The following PIGU variants were observed in gnomAD, a reference collection of about 807,000 sequenced individuals.
PIGU encodes the protein GPI-anchor transamidase component PIGU.
PIGU carries 24 observed loss-of-function variants against 49.9 expected under a neutral mutation model. The ratio of observed to expected loss-of-function variants is 0.48; its 90% CI spans 0.35 to 0.68. PIGU has a LOEUF of 0.68. PIGU is among the 30% of genes least tolerant of loss of function. The probability of loss-of-function intolerance (pLI) is 0.01; values close to 1 mark genes in which losing one functional copy is unlikely to be tolerated. For synonymous variants in PIGU, 220 were observed against 205.7 expected, an observed-to-expected ratio of 1.07 and a Z score of -0.59; for missense variants, 490 against 532.6, an observed-to-expected ratio of 0.92 and a Z score of 0.79.
intron 2 of PIGU, among the ~76,000 whole-genome samples, chr20:34,651,944 C>T (rs1986552788): frequency 6.8e-6 from 1 of 147,992 alleles, no homozygotes; most frequent in Admixed American, 6.7e-5. Context: ...CCCATCTCTA[C>T]AAAAAAAAAA....
At chr20:34,592,175 C>T (rs147957209) in intron 7 of PIGU, among the ~76,000 whole-genome samples, 9 of 139,364 alleles carry the variant, frequency 6.5e-5, no homozygotes, top group Admixed American at 1.5e-4. Flanking sequence ...GGTGACACAG[C>T]AAGACTCCGT....
At chr20:34,564,025 C>T (rs1982641743) in intron 11 of PIGU, among the ~76,000 whole-genome samples, 1 of 152,106 alleles carries the variant, frequency 6.6e-6, no homozygotes, top group African/African-American at 2.4e-5. Flanking sequence ...TACAAGATAC[C>T]TGGCCAGCGC....
rs1982466330 is a variant in PIGU at position 34,560,882 on chromosome 20, A to G, written c.1292T>C (p.Met431Thr). ...CAGCCAGGCCTACTTGAGCACGAGC[A>G]TGGCCTCTGTGCCATCCTTGGCGGT... ...YLTAKDGTEAMLVLK is the reference protein window; with the variant it reads ...YLTAKDGTEATLVLK Residue 431 changes from methionine (M) to threonine (T), a missense_variant, in exon 12 of 12, where the codon ATG (methionine) becomes ACG (threonine). By Grantham distance (81) the Met-to-Thr change is moderately conservative. Coordinates refer to ENST00000217446, the MANE Select transcript of PIGU (RefSeq NM_080476.5). 5.0e-6 allele frequency: 8 copies of G among 1,609,446 alleles called. No individual in the cohort carries two copies. In the East Asian group the frequency reaches 1.8e-4, roughly 36 times the overall value.
At chr20:34,561,327 C>G (rs1176407120) in intron 11 of PIGU, among the ~76,000 whole-genome samples, 1 of 152,184 alleles carries the variant, frequency 6.6e-6, no homozygotes, top group Non-Finnish European at 1.5e-5. Context: ...AAACTCCTCA[C>G]CTTCCCTCTG....
chr20:34,585,546 G>T lies in PIGU; in HGVS notation c.817C>A (p.Leu273Ile). ...ATCTCTGCAAAGAAGTACCAGAAAA[G>T]ACCAATGTTTGGAGTGAGATCTGGA... ...SVPDLTPNIG[L>I]FWYFFAEMFE... is the part of the protein sequence containing the mutation. Residue 273 changes from leucine to isoleucine, a missense_variant, in exon 9 of 12, where the codon CTT (leucine) becomes ATT (isoleucine). Leu to Ile is a conservative substitution (Grantham distance 5, BLOSUM62 2). Transcript: ENST00000217446. 6.2e-7 allele frequency: 1 copy of T among 1,613,832 alleles called. No individual in the cohort carries two copies. The highest frequency in any genetic ancestry group is 8.5e-7 in the Non-Finnish European group (1 of 1,179,678).
chr20:34,561,086 G>T, intron 11 of PIGU, 107 bp from the exon 12 acceptor site: 1 of 744,558 alleles, frequency 1.3e-6, no homozygotes, highest in Non-Finnish European at 2.2e-6. Context: ...CCCCTGCCTG[G>T]CTCTGGATCA....
At chr20:34,638,601 C>G (rs774768682) in intron 4 of PIGU, among the ~76,000 whole-genome samples, 1 of 152,166 alleles carries the variant, frequency 6.6e-6, no homozygotes, top group African/African-American at 2.4e-5. Flanking sequence ...AAAGTTCCAT[C>G]CATGAAGAAG....
chr20:34,607,150 A>G (rs966748507), intron 7 of PIGU, among the ~76,000 whole-genome samples: 32 of 152,238 alleles, frequency 2.1e-4, no homozygotes, highest in Non-Finnish European at 4.6e-4. Flanking sequence ...ATGCAAATAC[A>G]TTGTTCTCTA....
rs369012951 is a variant in PIGU, at chr20:34,632,150, T to C, written c.529+2465A>G. On this transcript the variant is annotated intron_variant, in intron 6 of 11. Coordinates refer to ENST00000217446, the MANE Select transcript of PIGU (RefSeq NM_080476.5). ...GCCACTGTGCCTGGCCAGAAGATAT[T>C]AAATATTTCAGGAAAAAAAAACTGG... is the stretch of plus-strand genomic sequence containing the variant. 4.9e-4 allele frequency among the ~76,000 whole-genome samples: 74 copies of C among 151,424 alleles called. 1 individual carries two copies. In the South Asian group the frequency reaches 0.015, roughly 31 times the overall value.
intron 6 of PIGU, among the ~76,000 whole-genome samples, chr20:34,620,820 C>CAAAAAAAAAAAAAAAAAAAAAAAAAAAAA (rs1178693587): frequency 1.0e-5 from 1 of 96,676 alleles, no homozygotes. Flanking sequence ...AAAAAAAAAA[C>CAAAAAAAAAAAAAAAAAAAAAAAAAAAAA]AAAAAAAAAA....
intron 11 of PIGU, among the ~76,000 whole-genome samples, chr20:34,569,306 T>C (rs373860885): frequency 1.3e-5 from 2 of 152,196 alleles, no homozygotes; most frequent in South Asian, 2.1e-4. Flanking sequence ...CTCGGCTCAC[T>C]GCAACCTTCG....
intron 1 of PIGU, among the ~76,000 whole-genome samples, chr20:34,667,997 T>C (rs1026217911): frequency 2.0e-5 from 3 of 152,058 alleles, no homozygotes; most frequent in Admixed American, 6.6e-5. Context: ...AGGGGTATTC[T>C]TCCCCAAAAT....
chr20:34,674,967 G>C (rs2146803316), intron 1 of PIGU, among the ~76,000 whole-genome samples: 1 of 150,054 alleles, frequency 6.7e-6, no homozygotes, highest in East Asian at 1.9e-4. Context: ...AAAAAAAAGA[G>C]GCCAGGCATG....
chr20:34,676,853 C>T (rs1379650291), intron 1 of PIGU, 103 bp downstream of exon 1: 7 of 1,303,676 alleles, frequency 5.4e-6, no homozygotes, highest in African/African-American at 1.5e-5. Flanking sequence ...TCAGTTAGTT[C>T]TCTAGGAACC....
chr20:34,662,186 C>T (rs1986948250), intron 1 of PIGU, among the ~76,000 whole-genome samples: 1 of 152,118 alleles, frequency 6.6e-6, no homozygotes, highest in African/African-American at 2.4e-5. Flanking sequence ...GATCCTCCCA[C>T]CTCAGCCTCT....
At chr20:34,644,758 T>C (rs1895532039) in intron 3 of PIGU, among the ~76,000 whole-genome samples, 1 of 152,284 alleles carries the variant, frequency 6.6e-6, no homozygotes, top group East Asian at 1.9e-4. Flanking sequence ...TCTTCCATAA[T>C]GACTCACAGA....
Position 34,588,458 on chromosome 20 carries a change from G to A in PIGU, c.777C>T (p.Gly259=). 1.9e-6 allele frequency: 3 copies of A among 1,613,450 alleles called. No individual in the cohort carries two copies. Among genetic ancestry groups the A allele is most frequent in the Non-Finnish European group, 2.5e-6 (3 of 1,179,660 alleles). Residue 259 remains glycine (G), a synonymous_variant, in exon 8 of 12, where the codon GGC becomes GGT. Transcript: ENST00000217446. The stretch of plus-strand genomic sequence containing the variant: ...CTAACGTGGTCATTACTTACATAAA[G>A]CCATAGACTGCGGGGATGAAATCCC... The part of the protein sequence containing the change: ...SSWDFIPAVY[G]FILSVPDLTP...
At chr20:34,601,573 C>G (rs905091530) in intron 7 of PIGU, among the ~76,000 whole-genome samples, 23 of 152,060 alleles carry the variant, frequency 1.5e-4, no homozygotes, top group African/African-American at 5.6e-4. Flanking sequence ...GAAAGAACAC[C>G]CAGGGCATAC....
chr20:34,665,192 ATTTTTTTTTTTTTTT>A (rs1171497892), intron 1 of PIGU, among the ~76,000 whole-genome samples: 2 of 59,628 alleles, frequency 3.4e-5, no homozygotes, highest in Non-Finnish European at 6.0e-5. Flanking sequence ...TGTATGGCCA[ATTTTTTTTTTTTTTT>A]TTTTTTTTTT....
Sources: gnomAD v4.1 joint callset for allele counts (sites outside exome capture counted in the v4.1 genomes callset) on GRCh38, gnomAD v4.1.1 for gene constraint, MANE v1.5 for transcripts, NCBI Gene and HGNC (gene_info 2026-07-23, HGNC 2026-07-21) for gene names.